The following MCM3AP variants were observed in gnomAD, a reference collection of about 807,000 sequenced individuals.
The protein encoded by MCM3AP is germinal-center associated nuclear protein.
Under a neutral mutation model 184.1 loss-of-function variants are expected in MCM3AP, and 126 were observed. The observed-to-expected ratio is 0.68, with a 90% CI of 0.59 to 0.79. MCM3AP has a LOEUF of 0.79. Among genes scored for constraint, MCM3AP ranks in the 30% least tolerant of loss-of-function variants. The probability of loss-of-function intolerance (pLI) is 0.00; values close to 1 mark genes in which losing one functional copy is unlikely to be tolerated. For missense variants in MCM3AP, 2,496 were observed against 2,479.2 expected (o/e 1.01, Z -0.14); for synonymous variants, 1,002 against 979.3 (o/e 1.02, Z -0.43).
rs201708766 is a variant in MCM3AP at position 46,277,717 on chromosome 21, G to A, written c.1668C>T (p.Ser556=). ...RTGASSLLNK[S]SPVKKPSLLK... is the part of the protein sequence containing the mutation. ...GAAGACTTGGCTTCTTCACTGGAGA[G>A]CTATAAAGTAAACACCACACTGAGG... Residue 556 remains serine, a splice_region_variant and synonymous_variant, in exon 5 of 28, where the codon AGC becomes AGT. Transcript: ENST00000291688. 7 of 1,562,616 alleles carry A rather than the reference G, an allele frequency of 4.5e-6. No individual in the cohort carries two copies. Among genetic ancestry groups the A allele is most frequent in the Non-Finnish European group, 6.1e-6 (7 of 1,152,212 alleles).
intron 10 of MCM3AP, 25 bp downstream of exon 10, chr21:46,266,957 C>G: frequency 6.2e-7 from 1 of 1,613,138 alleles, no homozygotes; most frequent in Non-Finnish European, 8.5e-7. Flanking sequence ...GACAGGGGCC[C>G]CACAGTTCCA....
chr21:46,264,226 A>G lies in MCM3AP; in HGVS notation c.3235-9T>C. On this transcript the variant is annotated splice_polypyrimidine_tract_variant and intron_variant, in intron 12 of 27. Transcript: ENST00000291688. ...ACCACCTGCGCCAGGTCCTGTGGAG[A>G]GACCAGCATGGGGTGTAATGGAACG... is the stretch of plus-strand genomic sequence containing the variant. The G allele has an allele frequency of 6.3e-7, 1 of 1,584,748 alleles. No homozygotes were observed. Among genetic ancestry groups the G allele is most frequent in the Non-Finnish European group, 8.7e-7 (1 of 1,155,600 alleles).
chr21:46,235,950 A>C (rs1324638132), intron 27 of MCM3AP, among the ~76,000 whole-genome samples: 1 of 152,230 alleles, frequency 6.6e-6, no homozygotes, highest in East Asian at 1.9e-4. Flanking sequence ...TTTAGAAAAT[A>C]TCATCGTCAA....
At chr21:46,246,924 T>TCATCA (rs770055862) in intron 20 of MCM3AP, 38 bp from the exon 21 acceptor site, 5 of 1,602,378 alleles carry the variant, frequency 3.1e-6, no homozygotes, top group African/African-American at 2.7e-5. Context: ...AGATGCACCA[T>TCATCA]GGGACGCATC....
Position 46,236,899 on chromosome 21 carries a change from G to A in MCM3AP, c.5714C>T (p.Pro1905Leu). Residue 1905 changes from proline (P) to leucine (L), a missense_variant, in exon 27 of 28, where the codon CCT (proline) becomes CTT (leucine). Physicochemically the swap from Pro to Leu is moderately conservative, Grantham distance 98. Coordinates refer to ENST00000291688, the MANE Select transcript of MCM3AP (RefSeq NM_003906.5). ...GTGAGAAAGAGACACTAGAGTCTGAGGAAGATAGAGGGGAAGGGAAGTTAA... is the reference window on the plus strand; with the variant it reads ...GTGAGAAAGAGACACTAGAGTCTGAAGAAGATAGAGGGGAAGGGAAGTTAA... ...TDLTSLPLYLPQTLVSLSHTI... is the reference protein window; with the variant it reads ...TDLTSLPLYLLQTLVSLSHTI... 6.4e-7 allele frequency: 1 copy of A among 1,564,492 alleles called. No homozygotes were observed. Among genetic ancestry groups the A allele is most frequent in the Admixed American group, 2.0e-5 (1 of 49,666 alleles).
intron 10 of MCM3AP, 132 bp from the exon 11 acceptor site, chr21:46,266,298 C>T (rs559120518): frequency 9.9e-5 from 101 of 1,019,178 alleles, no homozygotes; most frequent in African/African-American, 5.0e-4. Flanking sequence ...AAAGCACAGG[C>T]GCCAGGTCCC....
At chr21:46,270,676 C>CAG in intron 8 of MCM3AP, 113 bp from the exon 9 acceptor site, 1 of 940,590 alleles carries the variant, frequency 1.1e-6, no homozygotes, top group South Asian at 1.8e-5. Flanking sequence ...CAGTGGCTCA[C>CAG]ACCTGTAATC....
At position 46,284,570 on chromosome 21, in the gene MCM3AP, C is replaced by T. The variant is rs527646095; in HGVS notation, c.717G>A (p.Lys239=). 44 of 1,614,208 alleles carry T rather than the reference C, an allele frequency of 2.7e-5. 1 individual carries two copies. The highest frequency in any genetic ancestry group is 3.4e-5 in the Non-Finnish European group (40 of 1,180,034). The change falls in exon 1 of 28, where the codon AAG becomes AAA. Residue 239 remains lysine, a synonymous_variant. Coordinates refer to ENST00000291688, the MANE Select transcript of MCM3AP (RefSeq NM_003906.5). ...TATTATTAGAACTTCCAAATATTGA[C>T]TTAGGTCCTCTCTTCTCTTCCTCTA... ...QNVEEEKRGP[K]SIFGSSNNSF...
Position 46,264,281 on chromosome 21 carries a change from ATGT to A in MCM3AP, c.3235-67_3235-65del. 3 of 1,041,492 alleles carry A rather than the reference ATGT, an allele frequency of 2.9e-6. No homozygotes were observed. In the South Asian group the frequency reaches 4.1e-5, roughly 14 times the overall value. The allele number at this position is 1,041,492 out of a possible 1,614,324, so 64.5% of individuals were successfully genotyped here. ...ACCCAGGGCAGAAATGCTGGGTAACATGTTGTCACCGGACAGTCTGCAGGCGTC... is the reference window on the plus strand; with the variant it reads ...ACCCAGGGCAGAAATGCTGGGTAACATGTCACCGGACAGTCTGCAGGCGTC... On this transcript the variant is annotated intron_variant, in intron 12 of 27. Coordinates refer to ENST00000291688, the MANE Select transcript of MCM3AP (RefSeq NM_003906.5).
chr21:46,272,567 A>C lies in MCM3AP; in HGVS notation c.2459T>G (p.Ile820Ser). 6.2e-7 allele frequency: 1 copy of C among 1,613,236 alleles called. No individual in the cohort carries two copies. Among genetic ancestry groups the C allele is most frequent in the Non-Finnish European group, 8.5e-7 (1 of 1,179,494 alleles). Residue 820 changes from isoleucine (I) to serine (S), a missense_variant, in exon 8 of 28, where the codon ATC (isoleucine) becomes AGC (serine). This residue lies in a region of MCM3AP where 138 missense variants were observed against 191.9 expected (regional missense o/e 0.72). Transcript: ENST00000291688. ...NVLLSLNKGD[I>S]LREVQQFHPA... The stretch of plus-strand genomic sequence containing the variant: ...TTTGGATGTGAAAATTCACCTTAGG[A>C]TGTCTCCCTTGTTGAGACTGAGCAG...
In MCM3AP at chr21:46,245,263, G is replaced by T. The variant is rs949896089; in HGVS notation, c.4648-66C>A. ...TTTTTCAAAAACAGCTTTCTGAAAG[G>T]GCTTGATCCCCCAAGGTTGCCCACA... On this transcript the variant is annotated intron_variant, in intron 22 of 27. Transcript: ENST00000291688. 1.5e-5 allele frequency: 22 copies of T among 1,490,940 alleles called. No individual in the cohort carries two copies. The African/African-American group carries it at 3.1e-4, about 21-fold the overall frequency. The allele number at this position is 1,490,940 out of a possible 1,614,324, so 92.4% of individuals were successfully genotyped here.
chr21:46,274,108 G>A (rs1220094374), intron 6 of MCM3AP, among the ~76,000 whole-genome samples: 1 of 152,240 alleles, frequency 6.6e-6, no homozygotes, highest in Non-Finnish European at 1.5e-5. Flanking sequence ...CCCTGGGCAT[G>A]TGCCTCTCCT....
At chr21:46,273,022 G>A (rs1236454850) in intron 7 of MCM3AP, among the ~76,000 whole-genome samples, 193 bp from the exon 8 acceptor site, 1 of 151,572 alleles carries the variant, frequency 6.6e-6, no homozygotes, top group Non-Finnish European at 1.5e-5. Context: ...ACAGAAGCCA[G>A]GCTGGAGTGC....
intron 10 of MCM3AP, 36 bp from the exon 11 acceptor site, chr21:46,266,202 C>T (rs767839390): frequency 1.4e-5 from 22 of 1,566,554 alleles, no homozygotes; most frequent in Middle Eastern, 1.7e-4. Flanking sequence ...AGGGGTGTCA[C>T]CAGGGGAGAA....
rs2081375601 is a variant in MCM3AP, at chr21:46,284,440, G to T, written c.847C>A (p.Pro283Thr). Residue 283 changes from proline to threonine, a missense_variant, in exon 1 of 28, where the codon CCA becomes ACA. Physicochemically the swap from Pro to Thr is conservative, Grantham distance 38 (BLOSUM62 -1). This residue lies in a region of MCM3AP where 800 missense variants were observed against 717.1 expected (regional missense o/e 1.12). Transcript: ENST00000291688. ...GCEEAVSQVE[P>T]LPSLMKGLKR... ...AGTCCTTTCATTAGGCTGGGAAGTG[G>T]TTCCACCTGGGAAACAGCTTCTTCA... 6.2e-7 allele frequency: 1 copy of T among 1,614,128 alleles called. No individual in the cohort carries two copies.
chr21:46,270,279 T>C, intron 9 of MCM3AP, 122 bp downstream of exon 9: 1 of 932,318 alleles, frequency 1.1e-6, no homozygotes, highest in Non-Finnish European at 1.6e-6. Context: ...GTGGGGCTGC[T>C]GCAAGGGTGA....
chr21:46,273,397 G>A lies in MCM3AP; in HGVS notation c.2187C>T (p.Gly729=), dbSNP rs758507499. 1 of 1,613,906 alleles carries A rather than the reference G, an allele frequency of 6.2e-7. No homozygotes were observed. Among genetic ancestry groups the A allele is most frequent in the South Asian group, 1.1e-5 (1 of 91,074 alleles). ...WYDFVWNRTR[G]IRKDITQQHL... is the part of the protein sequence containing the mutation. ...TGGAGGCAGCCAATACCTTCCGTAT[G>A]CCACGCGTGCGGTTCCACACGAAGT... is the stretch of plus-strand genomic sequence containing the variant. The change falls in exon 7 of 28, where the codon GGC becomes GGT. Residue 729 remains glycine (G), a synonymous_variant. Transcript: ENST00000291688.
At chr21:46,249,695 C>A in intron 20 of MCM3AP, 1 of 417,686 alleles carries the variant, frequency 2.4e-6, no homozygotes, top group Non-Finnish European at 4.7e-6. Flanking sequence ...AAAAATACTG[C>A]AGCTGCTGCT....
At position 46,254,792 on chromosome 21, in the gene MCM3AP, A is replaced by C. The variant is rs777040489; in HGVS notation, c.3985T>G (p.Tyr1329Asp). Reference protein sequence around the residue: ...TAHQMKVQHFYQQLLSDVAWA... With the variant: ...TAHQMKVQHFDQQLLSDVAWA... Reference sequence around the variant, plus strand: ...ATGACAGACCTCAGCAGCTGCTGGTAGAAGTGCTGAACCTTCATCTGGTGA... The same window carrying C: ...ATGACAGACCTCAGCAGCTGCTGGTCGAAGTGCTGAACCTTCATCTGGTGA... Residue 1329 changes from tyrosine to aspartate, a missense_variant, in exon 18 of 28, where the codon TAC becomes GAC. This residue lies in a region of MCM3AP where 1,323 missense variants were observed against 1,273.4 expected (regional missense o/e 1.04). Transcript: ENST00000291688. 2 of 1,614,046 alleles carry C rather than the reference A, an allele frequency of 1.2e-6. No individual in the cohort carries two copies. The highest frequency in any genetic ancestry group is 3.3e-5 in the Admixed American group (2 of 60,022).
Sources: allele counts gnomAD v4.1 joint callset (sites outside exome capture counted in the v4.1 genomes callset), GRCh38; gene constraint gnomAD v4.1.1; regional missense constraint gnomAD v4.1.1; transcripts MANE v1.5; gene names NCBI Gene and HGNC (gene_info 2026-07-23, HGNC 2026-07-21).